The following CCNT1 variants were observed in gnomAD, a reference collection of about 807,000 sequenced individuals.
CCNT1 encodes the protein cyclin-T1.
CCNT1 carries 18 observed loss-of-function variants against 67.3 expected under a neutral mutation model. That is an observed-to-expected ratio of 0.27 (90% CI 0.18 to 0.40). The LOEUF (loss-of-function observed/expected upper bound fraction) is 0.40. Ranked by LOEUF, CCNT1 falls within the 10% of genes least tolerant of loss-of-function variation. The pLI is 1.00. For missense variants in CCNT1, 744 were observed against 884.9 expected, an observed-to-expected ratio of 0.84 and a Z score of 2.02; for synonymous variants, 333 against 310.3, an observed-to-expected ratio of 1.07 and a Z score of -0.77.
chr12:48,703,665 G>A (rs1940308745), intron 3 of CCNT1, among the ~76,000 whole-genome samples: 2 of 152,110 alleles, frequency 1.3e-5, no homozygotes, highest in South Asian at 4.1e-4. Context: ...GCCAGGTGCA[G>A]TGGCTCACGC....
At chr12:48,701,971 A>C (rs1323763299) in intron 3 of CCNT1, among the ~76,000 whole-genome samples, 1 of 150,350 alleles carries the variant, frequency 6.7e-6, no homozygotes, top group Non-Finnish European at 1.5e-5. Context: ...ACCTCGCCTC[A>C]CTGCAACCTC....
At chr12:48,702,586 C>T (rs566116497) in intron 3 of CCNT1, among the ~76,000 whole-genome samples, 5 of 152,276 alleles carry the variant, frequency 3.3e-5, no homozygotes, top group Admixed American at 1.3e-4. Flanking sequence ...AGTTCAAGAT[C>T]AGCCTGGCCA....
chr12:48,689,758 T>C lies in CCNT1; in HGVS notation c.*3275A>G, dbSNP rs1940043995. The C allele has an allele frequency of 6.6e-6, 1 of 152,204 alleles. No homozygotes were observed. Among genetic ancestry groups the C allele is most frequent in the Non-Finnish European group, 1.5e-5 (1 of 68,030 alleles). 9.4% of individuals were successfully genotyped at this position (152,204 alleles called of 1,614,324 possible). A position where few individuals can be genotyped will look rare whatever the true frequency, so the allele number is the denominator to read the frequency against. The stretch of plus-strand genomic sequence containing the variant: ...TGGGATAGACAGGGCCCCTCTACAA[T>C]TGCCTTTACTTGGAAGCCATGTATG... On this transcript the variant is annotated 3_prime_UTR_variant, in exon 9 of 9. Transcript: ENST00000261900.
At chr12:48,708,497 A>C (rs1003010494) in intron 2 of CCNT1, among the ~76,000 whole-genome samples, 4 of 152,070 alleles carry the variant, frequency 2.6e-5, no homozygotes, top group African/African-American at 9.7e-5. Flanking sequence ...CAGTGAGCCA[A>C]GATCACGCCA....
In CCNT1 at chr12:48,692,989, GT is replaced by G; in HGVS notation, c.*43del. On this transcript the variant is annotated 3_prime_UTR_variant, in exon 9 of 9. Coordinates refer to ENST00000261900, the MANE Select transcript of CCNT1 (RefSeq NM_001240.4). The stretch of plus-strand genomic sequence containing the variant: ...TCCAAAAAAAAAAAAGAAAAATTAT[GT>G]GTTTTTTTAAAGAAGTTTTTTTCTC... 8.3e-7 allele frequency: 1 copy of G among 1,207,810 alleles called. No homozygotes were observed. Among genetic ancestry groups the G allele is most frequent in the South Asian group, 1.6e-5 (1 of 63,226 alleles). The allele number at this position is 1,207,810 out of a possible 1,614,324, so 74.8% of individuals were successfully genotyped here. A position where few individuals can be genotyped will look rare whatever the true frequency, so the allele number is the denominator to read the frequency against.
rs539998084 is a variant in CCNT1, at chr12:48,715,968, A to T, written c.161+547T>A. 8.5e-5 allele frequency among the ~76,000 whole-genome samples: 13 copies of T among 152,336 alleles called. No homozygotes were observed. In the East Asian group the frequency reaches 2.3e-3, roughly 27 times the overall value. On this transcript the variant is annotated intron_variant, in intron 1 of 8. Coordinates refer to ENST00000261900, the MANE Select transcript of CCNT1 (RefSeq NM_001240.4). ...TGTGCTGGACACAGAATCAAACACA[A>T]GAGGTATTATCCCATTTTATAGACA...
chr12:48,696,840 T>C (rs1038165789), intron 6 of CCNT1, among the ~76,000 whole-genome samples: 1 of 152,194 alleles, frequency 6.6e-6, no homozygotes, highest in African/African-American at 2.4e-5. Flanking sequence ...ACTAATCATT[T>C]ACTTTTTTTA....
chr12:48,714,666 AAT>A (rs1437455954), intron 1 of CCNT1, 142 bp from the exon 2 acceptor site: 18 of 590,562 alleles, frequency 3.0e-5, no homozygotes, highest in African/African-American at 2.2e-4. Context: ...CAAATCAAAG[AAT>A]ATGTCTGTTT....
At chr12:48,709,800 G>A (rs1185501356) in intron 2 of CCNT1, among the ~76,000 whole-genome samples, 1 of 152,216 alleles carries the variant, frequency 6.6e-6, no homozygotes, top group East Asian at 1.9e-4. Context: ...TTATCTCTGG[G>A]TGGGATTACA....
chr12:48,706,022 C>G (rs1940352168), intron 2 of CCNT1, 126 bp from the exon 3 acceptor site: 2 of 778,078 alleles, frequency 2.6e-6, no homozygotes, highest in Non-Finnish European at 3.9e-6. Context: ...ACCTCTTTAC[C>G]CTTTCCCGCC....
At chr12:48,712,953 AT>A in intron 2 of CCNT1, among the ~76,000 whole-genome samples, 1 of 152,000 alleles carries the variant, frequency 6.6e-6, no homozygotes. Context: ...AAAAAAAAAA[AT>A]CAATCCATAT....
At chr12:48,712,650 GA>G (rs1473177546) in intron 2 of CCNT1, among the ~76,000 whole-genome samples, 1 of 116,226 alleles carries the variant, frequency 8.6e-6, no homozygotes, top group African/African-American at 3.2e-5. Flanking sequence ...AAATCCATTT[GA>G]AGTATACAGC....
At chr12:48,699,113 G>C (rs1427428294) in intron 5 of CCNT1, among the ~76,000 whole-genome samples, 2 of 151,906 alleles carry the variant, frequency 1.3e-5, no homozygotes, top group Non-Finnish European at 2.9e-5. Flanking sequence ...TCTTCCTCAG[G>C]ACATAGTCTT....
At chr12:48,697,522 T>TAAA (rs1205232506) in intron 6 of CCNT1, among the ~76,000 whole-genome samples, 57 of 116,796 alleles carry the variant, frequency 4.9e-4, no homozygotes, top group African/African-American at 6.8e-4. Context: ...GACTCTGTCT[T>TAAA]AAAAAAAAAA....
In CCNT1 at chr12:48,691,462, A is replaced by G. The variant is rs931706688; in HGVS notation, c.*1571T>C. The G allele has an allele frequency of 1.3e-5, 2 of 152,214 alleles. No homozygotes were observed. Among genetic ancestry groups the G allele is most frequent in the Admixed American group, 1.3e-4 (2 of 15,278 alleles). The allele number at this position is 152,214 out of a possible 1,614,324, so 9.4% of individuals were successfully genotyped here. A position where few individuals can be genotyped will look rare whatever the true frequency, so the allele number is the denominator to read the frequency against. ...AAAAAAATGCAATGAAGATCAAAGA[A>G]TATCTCATTAAATGATCTCTGGCTA... On this transcript the variant is annotated 3_prime_UTR_variant, in exon 9 of 9. Transcript: ENST00000261900.
In CCNT1 at chr12:48,716,698, G is replaced by T; in HGVS notation, c.-23C>A. Reference sequence around the variant, plus strand: ...CATAGTGCTTCAACCAGAAGGCAGCGGCGAAGGCTGCAGGCACTTCCCAGC... The same window carrying T: ...CATAGTGCTTCAACCAGAAGGCAGCTGCGAAGGCTGCAGGCACTTCCCAGC... On this transcript the variant is annotated 5_prime_UTR_variant, in exon 1 of 9. Coordinates refer to ENST00000261900, the MANE Select transcript of CCNT1 (RefSeq NM_001240.4). 5 of 1,607,994 alleles carry T rather than the reference G, an allele frequency of 3.1e-6. No individual in the cohort carries two copies. Among genetic ancestry groups the T allele is most frequent in the Non-Finnish European group, 4.3e-6 (5 of 1,175,768 alleles).
chr12:48,711,449 A>T (rs965985554), intron 2 of CCNT1, among the ~76,000 whole-genome samples: 2 of 152,110 alleles, frequency 1.3e-5, no homozygotes, highest in African/African-American at 4.8e-5. Flanking sequence ...TAACCTATAC[A>T]TGAAGAGTGG....
At chr12:48,701,440 A>G (rs770037221) in intron 3 of CCNT1, among the ~76,000 whole-genome samples, 3 of 151,212 alleles carry the variant, frequency 2.0e-5, no homozygotes, top group Non-Finnish European at 4.4e-5. Context: ...TTCAGTACAC[A>G]TTTTCTTTAA....
intron 2 of CCNT1, among the ~76,000 whole-genome samples, chr12:48,713,994 A>T (rs1940496733): frequency 6.6e-6 from 1 of 152,116 alleles, no homozygotes; most frequent in Non-Finnish European, 1.5e-5. Context: ...CCCTGAGTTC[A>T]AGCAATCCTC....
Sources: gnomAD v4.1 joint callset for allele counts (sites outside exome capture counted in the v4.1 genomes callset) on GRCh38, gnomAD v4.1.1 for gene constraint, MANE v1.5 for transcripts, NCBI Gene and HGNC (gene_info 2026-07-23, HGNC 2026-07-21) for gene names.